The following MICU1 variants were observed in gnomAD, a reference collection of about 807,000 sequenced individuals.
MICU1 encodes calcium uptake protein 1, mitochondrial.
A neutral mutation model predicts 56.8 loss-of-function variants in MICU1; 45 were observed. The observed-to-expected ratio is 0.79, with a 90% CI of 0.62 to 1.02. MICU1 has a LOEUF of 1.02. Among genes scored for constraint, MICU1 ranks in the 50% least tolerant of loss-of-function variants. The pLI, the probability that MICU1 is intolerant of heterozygous loss-of-function variation, is 0.00. For missense variants in MICU1, 504 were observed against 587.1 expected (o/e 0.86, Z 1.46); for synonymous variants, 186 against 195.1 (o/e 0.95, Z 0.39).
intron 8 of MICU1, among the ~76,000 whole-genome samples, chr10:72,457,544 A>G (rs910474371): frequency 1.3e-5 from 2 of 152,062 alleles, no homozygotes; most frequent in African/African-American, 4.8e-5. Flanking sequence ...TTTAAGAACC[A>G]CTAGTGCCTG....
chr10:72,403,935 G>A (rs186613972), intron 10 of MICU1, among the ~76,000 whole-genome samples: 58 of 151,820 alleles, frequency 3.8e-4, no homozygotes, highest in African/African-American at 1.2e-3. Flanking sequence ...GATTACAGGC[G>A]TGAGCCACCA....
chr10:72,415,013 G>GTTTTTTTTTTTTTTTTTTTTTTTTTTT (rs71018285), intron 9 of MICU1, among the ~76,000 whole-genome samples: 1 of 114,266 alleles, frequency 8.8e-6, no homozygotes, highest in African/African-American at 3.0e-5. Flanking sequence ...CTCCTGCTTA[G>GTTTTTTTTTTTTTTTTTTTTTTTTTTT]TTTTTTTTTT....
At chr10:72,561,940 C>A (rs1329280680) in intron 3 of MICU1, among the ~76,000 whole-genome samples, 3 of 152,110 alleles carry the variant, frequency 2.0e-5, no homozygotes, top group Admixed American at 1.3e-4. Flanking sequence ...TATCTTGTTG[C>A]ATTATTAGCT....
intron 4 of MICU1, among the ~76,000 whole-genome samples, chr10:72,546,870 C>T (rs1326802363): frequency 2.6e-5 from 4 of 151,710 alleles, no homozygotes; most frequent in African/African-American, 9.7e-5. Flanking sequence ...AGACTACAGG[C>T]ACAAGCCACC....
chr10:72,501,469 G>A (rs1453501959), intron 6 of MICU1, among the ~76,000 whole-genome samples: 1 of 151,152 alleles, frequency 6.6e-6, no homozygotes, highest in Non-Finnish European at 1.5e-5. Flanking sequence ...AACAACATAT[G>A]TTATATTCTT....
chr10:72,529,334 G>C (rs1044710831), intron 5 of MICU1, among the ~76,000 whole-genome samples: 3 of 152,036 alleles, frequency 2.0e-5, no homozygotes, highest in Admixed American at 2.0e-4. Context: ...AGGTAGGAAA[G>C]AATAACAAAT....
At chr10:72,454,442 G>GA (rs1865393137) in intron 8 of MICU1, among the ~76,000 whole-genome samples, 2 of 147,994 alleles carry the variant, frequency 1.4e-5, no homozygotes, top group South Asian at 4.3e-4. Flanking sequence ...CAACAAGAGT[G>GA]AAACTCCGTC....
At chr10:72,557,342 G>A (rs1054267839) in intron 3 of MICU1, among the ~76,000 whole-genome samples, 3 of 152,156 alleles carry the variant, frequency 2.0e-5, no homozygotes, top group African/African-American at 7.2e-5. Context: ...CCAGCTCTCA[G>A]GAAAAGGGGA....
intron 1 of MICU1, chr10:72,583,173 CA>C (rs1462330422): frequency 4.6e-5 from 7 of 151,352 alleles, no homozygotes; most frequent in Non-Finnish European, 7.4e-5. Flanking sequence ...AACAGGGATT[CA>C]ATTACATTAG....
chr10:72,460,939 T>G (rs1345974846), intron 8 of MICU1, among the ~76,000 whole-genome samples: 2 of 151,840 alleles, frequency 1.3e-5, no homozygotes, highest in African/African-American at 4.8e-5. Context: ...AAACCATAAC[T>G]CTAAAAGGCA....
At chr10:72,606,525 T>A (rs3000958) in intron 1 of MICU1, among the ~76,000 whole-genome samples, 69,686 of 150,710 alleles carry the variant, frequency 0.46, 19,987 homozygotes, top group Non-Finnish European at 0.67. Context: ...AAAAAAAAAA[T>A]TTTTTTTTAA....
chr10:72,387,043 A>AT (rs1862915211), intron 10 of MICU1, among the ~76,000 whole-genome samples: 1 of 152,254 alleles, frequency 6.6e-6, no homozygotes, highest in Non-Finnish European at 1.5e-5. Context: ...CCTGACAATT[A>AT]TAAGTCAGTT....
intron 5 of MICU1, among the ~76,000 whole-genome samples, chr10:72,522,262 C>G (rs983904062): frequency 6.6e-5 from 10 of 152,126 alleles, no homozygotes; most frequent in Admixed American, 6.5e-4. Context: ...GAAGAAAGTT[C>G]TCTGATAGCA....
intron 6 of MICU1, among the ~76,000 whole-genome samples, chr10:72,493,203 AC>A (rs1866723680): frequency 1.3e-5 from 2 of 151,746 alleles, no homozygotes; most frequent in African/African-American, 4.9e-5. Context: ...GTATACACAC[AC>A]ACACACACCC....
chr10:72,579,101 C>A (rs1840830510), intron 1 of MICU1, among the ~76,000 whole-genome samples: 1 of 152,162 alleles, frequency 6.6e-6, no homozygotes, highest in Admixed American at 6.5e-5. Flanking sequence ...CTAGAAGTAA[C>A]CTCAGAAAGC....
At chr10:72,554,893 T>C (rs1262008618) in intron 3 of MICU1, among the ~76,000 whole-genome samples, 1 of 152,154 alleles carries the variant, frequency 6.6e-6, no homozygotes, top group Non-Finnish European at 1.5e-5. Flanking sequence ...TACACACCTG[T>C]AGTCCCAGCT....
chr10:72,611,377 C>T (rs1326677699), intron 1 of MICU1, among the ~76,000 whole-genome samples: 2 of 151,488 alleles, frequency 1.3e-5, no homozygotes, highest in African/African-American at 4.8e-5. Flanking sequence ...TTTGGGAGGC[C>T]GAGGCGGGCG....
intron 4 of MICU1, among the ~76,000 whole-genome samples, chr10:72,546,508 T>C (rs923764353): frequency 1.6e-4 from 24 of 152,192 alleles, no homozygotes; most frequent in Non-Finnish European, 3.2e-4. Flanking sequence ...TCCATAAATC[T>C]TCCACCATGT....
intron 8 of MICU1, among the ~76,000 whole-genome samples, chr10:72,456,325 G>C (rs181187771): frequency 6.6e-6 from 1 of 152,268 alleles, no homozygotes; most frequent in East Asian, 1.9e-4. Context: ...ATTCACTCTT[G>C]TGTAATCCCC....
Sources: gnomAD v4.1 joint callset for allele counts (sites outside exome capture counted in the v4.1 genomes callset) on GRCh38, gnomAD v4.1.1 for gene constraint, MANE v1.5 for transcripts, NCBI Gene and HGNC (gene_info 2026-07-23, HGNC 2026-07-21) for gene names.